Variants in VWA8 observed in about 807,000 individuals in gnomAD.
VWA8 encodes von Willebrand factor A domain containing 8.
A neutral mutation model predicts 241.5 loss-of-function variants in VWA8; 221 were observed. That is an observed-to-expected ratio of 0.91 (90% CI 0.82 to 1.02). The LOEUF (loss-of-function observed/expected upper bound fraction) is 1.02. Ranked by LOEUF, VWA8 falls within the 50% of genes least tolerant of loss-of-function variation. The probability of loss-of-function intolerance (pLI) is 0.00; values close to 1 mark genes in which losing one functional copy is unlikely to be tolerated. For missense variants in VWA8, 2,322 were observed against 2,328.7 expected (o/e 1.00, Z 0.06); for synonymous variants, 852 against 827.1 (o/e 1.03, Z -0.52).
At chr13:41,609,155 C>T (rs1165749447) in intron 39 of VWA8, among the ~76,000 whole-genome samples, 1 of 152,066 alleles carries the variant, frequency 6.6e-6, no homozygotes, top group East Asian at 1.9e-4. Flanking sequence ...GATGCCTGCC[C>T]CCCAGGAACT....
At chr13:41,887,430 T>A (rs746966461) in intron 5 of VWA8, 69 bp from the exon 6 acceptor site, 1 of 1,507,236 alleles carries the variant, frequency 6.6e-7, no homozygotes, top group Non-Finnish European at 8.9e-7. Context: ...AGCTGCCAAG[T>A]CCAGGGACTT....
At chr13:41,642,655 G>A (rs1033894372) in intron 37 of VWA8, among the ~76,000 whole-genome samples, 4 of 151,760 alleles carry the variant, frequency 2.6e-5, no homozygotes, top group African/African-American at 4.8e-5. Context: ...TTGACCAGGC[G>A]TGGTGGCTCA....
intron 21 of VWA8, among the ~76,000 whole-genome samples, chr13:41,745,440 AT>A (rs919393620): frequency 1.4e-4 from 22 of 151,896 alleles, no homozygotes; most frequent in Non-Finnish European, 4.4e-5. Context: ...ATGGGAGAAA[AT>A]TTTTGCAATT....
chr13:41,819,296 T>G lies in VWA8; in HGVS notation c.1791A>C (p.Pro597=). The change falls in exon 15 of 45, where the codon CCA becomes CCC. Residue 597 remains proline, a synonymous_variant. Coordinates refer to ENST00000379310, the MANE Select transcript of VWA8 (RefSeq NM_015058.2). ...GGAAAAAGAACATGGTTAAGAATTC[T>G]GGTCCCAGCCACTGGTGTGCTGTGC... The part of the protein sequence containing the change: ...IGSTAHQWLG[P]EFLTMFFFHY... 6.2e-7 allele frequency: 1 copy of G among 1,613,580 alleles called. No individual in the cohort carries two copies. Among genetic ancestry groups the G allele is most frequent in the Non-Finnish European group, 8.5e-7 (1 of 1,179,890 alleles).
intron 37 of VWA8, among the ~76,000 whole-genome samples, chr13:41,618,093 AACAGTGTAAAAGCGTTCCT>A (rs1228449773): frequency 6.6e-6 from 1 of 152,224 alleles, no homozygotes; most frequent in Non-Finnish European, 1.5e-5. Flanking sequence ...CAGTCCCACC[AACAGTGTAAAAGCGTTCCT>A]ATTTCTCCAC....
At chr13:41,578,764 A>C (rs2044365416) in intron 42 of VWA8, among the ~76,000 whole-genome samples, 1 of 152,186 alleles carries the variant, frequency 6.6e-6, no homozygotes, top group African/African-American at 2.4e-5. Flanking sequence ...TTTTATGATC[A>C]TGATTTCTGC....
intron 22 of VWA8, 110 bp from the exon 23 acceptor site, chr13:41,729,787 G>C: frequency 3.5e-6 from 2 of 569,716 alleles, no homozygotes; most frequent in Middle Eastern, 5.0e-4. Context: ...TAAGTTACAA[G>C]TATACACGTA....
chr13:41,750,491 A>G (rs797021825), intron 21 of VWA8, among the ~76,000 whole-genome samples: 2,053 of 149,958 alleles, frequency 0.014, 28 homozygotes, highest in Middle Eastern at 0.055. Context: ...GGAAAAAAAG[A>G]AAGGAAGGAA....
intron 9 of VWA8, among the ~76,000 whole-genome samples, chr13:41,875,128 T>C (rs1873837012): frequency 6.6e-6 from 1 of 152,136 alleles, no homozygotes; most frequent in Non-Finnish European, 1.5e-5. Context: ...TCAAAATCAT[T>C]GATGTTTTAA....
At chr13:41,693,105 TAAG>T (rs751773942) in intron 29 of VWA8, 133 bp from the exon 30 acceptor site, 1 of 568,356 alleles carries the variant, frequency 1.8e-6, no homozygotes, top group South Asian at 2.2e-5. Context: ...TTGTAATACT[TAAG>T]AAATATCACA....
At chr13:41,569,203 AC>A (rs1226433911) in intron 44 of VWA8, among the ~76,000 whole-genome samples, 3 of 152,212 alleles carry the variant, frequency 2.0e-5, no homozygotes, top group Non-Finnish European at 1.5e-5. Flanking sequence ...TGGATGTTGG[AC>A]CATTTCCCTA....
chr13:41,685,164 C>T lies in VWA8; in HGVS notation c.4210G>A (p.Gly1404Arg), dbSNP rs148225674. Residue 1404 changes from glycine to arginine, a missense_variant, in exon 35 of 45, where the codon GGA becomes AGA. Coordinates refer to ENST00000379310, the MANE Select transcript of VWA8 (RefSeq NM_015058.2). ...TTTGGAGTCCCCCTTTTCTTCTTTC[C>T]TCTATAGAATGATGTATCAGTGCCA... Reference protein sequence around the residue: ...RSGTDTSFYRGKKKRGTPKQS... With the variant: ...RSGTDTSFYRRKKKRGTPKQS... The T allele has an allele frequency of 5.4e-5, 87 of 1,613,418 alleles. No individual in the cohort carries two copies. In the African/African-American group the frequency reaches 8.7e-4, roughly 16 times the overall value.
In VWA8 at chr13:41,670,982, C is replaced by G; in HGVS notation, c.4575G>C (p.Trp1525Cys). ...TGTCATCTTGTCCAATCATGTTTCT[C>G]CATTCCATGAGTGATCGCTGCAGAC... ...LERLQRSLME[W>C]RNMIGQDDRN... is the part of the protein sequence containing the mutation. Residue 1525 changes from tryptophan to cysteine, a missense_variant, in exon 37 of 45, where the codon TGG (tryptophan) becomes TGC (cysteine). By Grantham distance (215) the Trp-to-Cys change is radical. Coordinates refer to ENST00000379310, the MANE Select transcript of VWA8 (RefSeq NM_015058.2). The G allele has an allele frequency of 1.2e-6, 2 of 1,613,860 alleles. No homozygotes were observed. Among genetic ancestry groups the G allele is most frequent in the Non-Finnish European group, 1.7e-6 (2 of 1,179,858 alleles).
chr13:41,782,462 G>A (rs1868932540), intron 19 of VWA8, among the ~76,000 whole-genome samples: 1 of 152,040 alleles, frequency 6.6e-6, no homozygotes, highest in Admixed American at 6.6e-5. Flanking sequence ...TCATGTTTTT[G>A]CCTTTGACAG....
intron 12 of VWA8, among the ~76,000 whole-genome samples, chr13:41,837,077 ATAG>A (rs1871773962): frequency 6.6e-6 from 1 of 150,882 alleles, no homozygotes; most frequent in African/African-American, 2.5e-5. Context: ...AGATAGATAG[ATAG>A]AGATTTTTAA....
intron 37 of VWA8, among the ~76,000 whole-genome samples, chr13:41,638,147 G>A (rs2044771214): frequency 6.6e-6 from 1 of 152,224 alleles, no homozygotes; most frequent in African/African-American, 2.4e-5. Flanking sequence ...AATGAAGGGA[G>A]TTGCATGCAG....
At chr13:41,756,663 A>G (rs2045696887) in intron 21 of VWA8, among the ~76,000 whole-genome samples, 1 of 151,734 alleles carries the variant, frequency 6.6e-6, no homozygotes, top group South Asian at 2.1e-4. Flanking sequence ...TGGTGAAGTG[A>G]TTCTCATAAA....
At chr13:41,784,737 C>CACATATATATATATAT (rs1191810226) in intron 18 of VWA8, among the ~76,000 whole-genome samples, 7 of 72,580 alleles carry the variant, frequency 9.6e-5, no homozygotes, top group Admixed American at 1.8e-4. Context: ...TATACACACA[C>CACATATATATATATAT]ATATATATAT....
At chr13:41,882,409 A>G (rs368774988) in intron 9 of VWA8, among the ~76,000 whole-genome samples, 242 of 152,134 alleles carry the variant, frequency 1.6e-3, no homozygotes, top group Non-Finnish European at 2.9e-3. Context: ...GGTGGCGGCC[A>G]GGCAGAGGCT....
Sources: allele counts gnomAD v4.1 joint callset (sites outside exome capture counted in the v4.1 genomes callset), GRCh38; gene constraint gnomAD v4.1.1; transcripts MANE v1.5; gene names NCBI Gene and HGNC (gene_info 2026-07-23, HGNC 2026-07-21).